Variants in ECE1 observed in about 807,000 individuals in gnomAD.
ECE1 encodes the protein endothelin-converting enzyme 1.
A neutral mutation model predicts 98.6 loss-of-function variants in ECE1; 35 were observed. The ratio of observed to expected loss-of-function variants is 0.35; its 90% CI spans 0.27 to 0.47. ECE1 has a LOEUF of 0.47. Ranked by LOEUF, ECE1 falls within the 20% of genes least tolerant of loss-of-function variation. The pLI, the probability that ECE1 is intolerant of heterozygous loss-of-function variation, is 1.00. For missense variants in ECE1, 814 were observed against 1,025.3 expected (o/e 0.79, Z 2.81); for synonymous variants, 394 against 407.1 (o/e 0.97, Z 0.39).
chr1:21,239,631 G>GTA (rs2098193255), intron 10 of ECE1, among the ~76,000 whole-genome samples: 1 of 152,216 alleles, frequency 6.6e-6, no homozygotes, highest in African/African-American at 2.4e-5. Context: ...GGCACATCGT[G>GTA]TATAATTCCG....
At chr1:21,277,061 C>T (rs567691580) in intron 3 of ECE1, among the ~76,000 whole-genome samples, 1 of 152,306 alleles carries the variant, frequency 6.6e-6, no homozygotes, top group African/African-American at 2.4e-5. Context: ...ATGTGGCCAG[C>T]ACCAGCACCT....
rs200224558 is a variant in ECE1, at chr1:21,248,749, CTAGTAGCT to C, written c.1021-1394_1021-1387del. 7.3e-3 allele frequency among the ~76,000 whole-genome samples: 1,104 copies of C among 152,142 alleles called. 11 individuals carry two copies. The highest frequency in any genetic ancestry group is 0.024 in the African/African-American group (1,000 of 41,510). On this transcript the variant is annotated intron_variant, in intron 8 of 18. Transcript: ENST00000374893. ...AAGCGATTCTCCTGCCTCAGCCTCCCTAGTAGCTGGGATTACAGGTGTGAGCCACCACT... is the reference window on the plus strand; with the variant it reads ...AAGCGATTCTCCTGCCTCAGCCTCCCGGGATTACAGGTGTGAGCCACCACT...
Position 21,328,007 on chromosome 1 carries a change from C to T in ECE1, c.3+17369G>A, listed in dbSNP as rs145896991. On this transcript the variant is annotated intron_variant, in intron 1 of 18. Coordinates refer to the ECE1 transcript ENST00000415912. ...AACAGTTTCATGTACCTCAGATCAT[C>T]GGGCTTAGTTAGATTCTCATAAGGG... Among the ~76,000 whole-genome samples, 10 of 152,270 alleles carry T rather than the reference C, an allele frequency of 6.6e-5. No homozygotes were observed. In the East Asian group the frequency reaches 1.5e-3, roughly 24 times the overall value.
rs544806483 is a variant in ECE1 at position 21,248,761 on chromosome 1, A to T, written c.1021-1398T>A. On this transcript the variant is annotated intron_variant, in intron 8 of 18. Coordinates refer to ENST00000374893, the MANE Select transcript of ECE1 (RefSeq NM_001397.3). Reference sequence around the variant, plus strand: ...TGCCTCAGCCTCCCTAGTAGCTGGGATTACAGGTGTGAGCCACCACTCCTG... The same window carrying T: ...TGCCTCAGCCTCCCTAGTAGCTGGGTTTACAGGTGTGAGCCACCACTCCTG... Among the ~76,000 whole-genome samples, 36 of 151,902 alleles carry T rather than the reference A, an allele frequency of 2.4e-4. No homozygotes were observed. The South Asian group carries it at 6.6e-3, about 28-fold the overall frequency.
At chr1:21,243,272 A>G (rs2098198821) in intron 10 of ECE1, among the ~76,000 whole-genome samples, 1 of 152,206 alleles carries the variant, frequency 6.6e-6, no homozygotes, top group Non-Finnish European at 1.5e-5. Context: ...CAATAATGGT[A>G]TCTTTGGTTA....
chr1:21,287,723 T>C (rs915297269), intron 2 of ECE1, among the ~76,000 whole-genome samples: 1 of 152,190 alleles, frequency 6.6e-6, no homozygotes, highest in Non-Finnish European at 1.5e-5. Flanking sequence ...TGATTTTTAA[T>C]GGCAGCATGT....
chr1:21,305,532 C>T (rs1447587727), intron 1 of ECE1, among the ~76,000 whole-genome samples: 1 of 152,170 alleles, frequency 6.6e-6, no homozygotes, highest in East Asian at 1.9e-4. Flanking sequence ...CATACACCAA[C>T]GTCCTCAGGG....
At chr1:21,330,928 T>G (rs1185947491) in intron 1 of ECE1, among the ~76,000 whole-genome samples, 2 of 152,210 alleles carry the variant, frequency 1.3e-5, no homozygotes, top group African/African-American at 4.8e-5. Context: ...TCCATGAGAC[T>G]GGCTGATCAT....
chr1:21,235,762 C>A lies in ECE1; in HGVS notation c.1566+88G>T. ...GTGTGTTTTGACAACCATGCTGCCTCTAGCACCCCATCTGGACCCAGCCCT... is the reference window on the plus strand; with the variant it reads ...GTGTGTTTTGACAACCATGCTGCCTATAGCACCCCATCTGGACCCAGCCCT... On this transcript the variant is annotated intron_variant, in intron 13 of 18. Transcript: ENST00000374893. This position sits in a 1 kb window ranked among gnomAD's most constrained non-coding sequence, Gnocchi z 4.2. The A allele has an allele frequency of 7.3e-7, 1 of 1,365,798 alleles. No homozygotes were observed. Among genetic ancestry groups the A allele is most frequent in the East Asian group, 2.3e-5 (1 of 43,652 alleles). The allele number at this position is 1,365,798 out of a possible 1,614,324, so 84.6% of individuals were successfully genotyped here.
chr1:21,244,243 T>C (rs1224351069), intron 10 of ECE1, among the ~76,000 whole-genome samples: 1 of 152,084 alleles, frequency 6.6e-6, no homozygotes, highest in East Asian at 1.9e-4. Flanking sequence ...GCGTGATGTA[T>C]CCCATCAGCA....
Position 21,345,495 on chromosome 1 carries a change from C to T in ECE1, c.-117G>A. The T allele has an allele frequency of 9.8e-7, 1 of 1,022,792 alleles. No homozygotes were observed. Among genetic ancestry groups the T allele is most frequent in the Non-Finnish European group, 1.2e-6 (1 of 806,958 alleles). 63.4% of individuals were successfully genotyped at this position (1,022,792 alleles called of 1,614,324 possible). On this transcript the variant is annotated 5_prime_UTR_variant, in exon 1 of 19. Transcript: ENST00000415912. The surrounding 1 kb of genome is among the most constrained non-coding windows in gnomAD (Gnocchi z 5.1). ...GGACGGCTCGGCTGCCTGGCCCAGG[C>T]GGCGCGCTCAGCTCCAGCGGGCGAG...
chr1:21,329,823 G>C (rs1198641296), intron 1 of ECE1, among the ~76,000 whole-genome samples: 5 of 152,200 alleles, frequency 3.3e-5, no homozygotes, highest in Admixed American at 6.6e-5. Context: ...AAGGGGGAGA[G>C]AGTGGGAGTT....
At chr1:21,295,245 T>C (rs1638322974), upstream of ECE1, among the ~76,000 whole-genome samples, 1 of 152,194 alleles carries the variant, frequency 6.6e-6, no homozygotes, top group Non-Finnish European at 1.5e-5. Context: ...GCATGGTGAC[T>C]CATGCCTGCA....
chr1:21,258,836 C>T lies in ECE1; in HGVS notation c.619G>A (p.Gly207Arg). 2 of 1,614,134 alleles carry T rather than the reference C, an allele frequency of 1.2e-6. No homozygotes were observed. Among genetic ancestry groups the T allele is most frequent in the Non-Finnish European group, 1.7e-6 (2 of 1,180,024 alleles). Residue 207 changes from glycine (G) to arginine (R), a missense_variant, in exon 6 of 19, where the codon GGG becomes AGG. Physicochemically the swap from Gly to Arg is moderately radical, Grantham distance 125 (BLOSUM62 -2). Around this residue, in one of 3 missense-constraint regions of ECE1, gnomAD observed 257 missense variants for 278.9 expected, o/e 0.92. Transcript: ENST00000374893. The surrounding 1 kb of genome is among the most constrained non-coding windows in gnomAD (Gnocchi z 4.2). ...KPLMELIERL[G>R]GWNITGPWAK... ...CAGGGACCTGTGATGTTCCAGCCCCCGAGCTGTGGGGAGGGAGAGCAGGCA... is the reference window on the plus strand; with the variant it reads ...CAGGGACCTGTGATGTTCCAGCCCCTGAGCTGTGGGGAGGGAGAGCAGGCA...
At position 21,257,549 on chromosome 1, in the gene ECE1, G is replaced by A. The variant is rs754040888; in HGVS notation, c.804C>T (p.Tyr268=). ...CCTTCTCGTTTTCAGTTTTGTTCAGGTAATAGTCTCTCGAGGGCAAGCCCA... is the reference window on the plus strand; with the variant it reads ...CCTTCTCGTTTTCAGTTTTGTTCAGATAATAGTCTCTCGAGGGCAAGCCCA... ...SGLGLPSRDY[Y]LNKTENEKVL... The change falls in exon 7 of 19, where the codon TAC becomes TAT. Residue 268 remains tyrosine (Y), a synonymous_variant. Coordinates refer to ENST00000374893, the MANE Select transcript of ECE1 (RefSeq NM_001397.3). 2 of 1,614,250 alleles carry A rather than the reference G, an allele frequency of 1.2e-6. No homozygotes were observed. Among genetic ancestry groups the A allele is most frequent in the Non-Finnish European group, 8.5e-7 (1 of 1,180,044 alleles).
chr1:21,258,606 C>CCCACA lies in ECE1; in HGVS notation c.762+86_762+87insTGTGG. ...GACCGCCGTCCCACCCAGGGCAAGC[C>CCCACA]CCTCTCCCACCCCAGGTCCTGCTAA... On this transcript the variant is annotated intron_variant, in intron 6 of 18. Transcript: ENST00000374893. The surrounding 1 kb of genome is among the most constrained non-coding windows in gnomAD (Gnocchi z 4.2). 6.7e-7 allele frequency: 1 copy of CCCACA among 1,484,326 alleles called. No homozygotes were observed. The highest frequency in any genetic ancestry group is 9.2e-7 in the Non-Finnish European group (1 of 1,082,026). 91.9% of individuals were successfully genotyped at this position (1,484,326 alleles called of 1,614,324 possible).
intron 1 of ECE1, among the ~76,000 whole-genome samples, chr1:21,339,163 C>T (rs1639355787): frequency 6.6e-6 from 1 of 152,092 alleles, no homozygotes; most frequent in Admixed American, 6.6e-5. Context: ...AGTCACAAGG[C>T]CTGAGTTCAA....
At chr1:21,232,538 G>A (rs550370218) in intron 14 of ECE1, among the ~76,000 whole-genome samples, 1 of 152,138 alleles carries the variant, frequency 6.6e-6, no homozygotes, top group East Asian at 1.9e-4. Context: ...AGGCTCAAGC[G>A]ATCTGCCCAC....
intron 3 of ECE1, among the ~76,000 whole-genome samples, chr1:21,274,927 T>C (rs1046863327): frequency 4.6e-5 from 7 of 152,234 alleles, no homozygotes. Flanking sequence ...CAAATCATCT[T>C]AATCACAGTT....
Sources: allele counts gnomAD v4.1 joint callset (sites outside exome capture counted in the v4.1 genomes callset), GRCh38; gene constraint gnomAD v4.1.1; regional missense constraint gnomAD v4.1.1; non-coding constraint Gnocchi (gnomAD v3.1); transcripts MANE v1.5; gene names NCBI Gene and HGNC (gene_info 2026-07-23, HGNC 2026-07-21).